LRRC36: variants seen among roughly 807,000 people sequenced by gnomAD.
LRRC36 encodes leucine-rich repeat-containing protein 36.
Under a neutral mutation model 81.1 loss-of-function variants are expected in LRRC36, and 62 were observed. The observed-to-expected ratio is 0.76, with a 90% CI of 0.62 to 0.94. The LOEUF is 0.94. Ranked by LOEUF, LRRC36 falls within the 40% of genes least tolerant of loss-of-function variation. The pLI, the probability that LRRC36 is intolerant of heterozygous loss-of-function variation, is 0.00. For synonymous variants in LRRC36, 334 were observed against 348.6 expected (o/e 0.96, Z 0.47); for missense variants, 761 against 881.7 (o/e 0.86, Z 1.73).
chr16:67,331,069 A>AAGAGAGAGAGAGAGAGAGAGAGAGAG (rs71145966), intron 1 of LRRC36, among the ~76,000 whole-genome samples: 38 of 118,632 alleles, frequency 3.2e-4, no homozygotes, highest in African/African-American at 1.1e-3. Context: ...GTGAGAGAGA[A>AAGAGAGAGAGAGAGAGAGAGAGAGAG]AGAGAGAGAG....
intron 5 of LRRC36, 103 bp from the exon 6 acceptor site, chr16:67,363,487 C>A: frequency 8.8e-7 from 1 of 1,134,068 alleles, no homozygotes; most frequent in African/African-American, 1.6e-5. Flanking sequence ...CCAGAACTAG[C>A]ACTCAATCTT....
In LRRC36 at chr16:67,365,011, G is replaced by A. The variant is rs2039318361; in HGVS notation, c.703-293G>A. The A allele has an allele frequency of 3.4e-5, 10 of 290,952 alleles. No homozygotes were observed. The South Asian group carries it at 1.3e-3, about 39-fold the overall frequency. 18.0% of individuals were successfully genotyped at this position (290,952 alleles called of 1,614,324 possible). A position where few individuals can be genotyped will look rare whatever the true frequency, so the allele number is the denominator to read the frequency against. ...GAGTCCTTTAAACAGAAAAAGCAAAGCTGGAAAGTGGCCCTCATCTACCTT... is the reference window on the plus strand; with the variant it reads ...GAGTCCTTTAAACAGAAAAAGCAAAACTGGAAAGTGGCCCTCATCTACCTT... On this transcript the variant is annotated intron_variant, in intron 6 of 13. Transcript: ENST00000329956.
intron 9 of LRRC36, 91 bp from the exon 10 acceptor site, chr16:67,375,156 A>C (rs975221877): frequency 7.1e-7 from 1 of 1,415,572 alleles, no homozygotes; most frequent in Non-Finnish European, 9.7e-7. Flanking sequence ...AAAAAGTCTC[A>C]ATGTCTAAAT....
At chr16:67,357,911 A>G (rs966307788) in intron 5 of LRRC36, among the ~76,000 whole-genome samples, 1 of 152,204 alleles carries the variant, frequency 6.6e-6, no homozygotes, top group Non-Finnish European at 1.5e-5. Flanking sequence ...TTTCTCTGTT[A>G]TTACAAATAG....
At chr16:67,333,980 G>A (rs532483632) in intron 1 of LRRC36, among the ~76,000 whole-genome samples, 22 of 152,120 alleles carry the variant, frequency 1.4e-4, no homozygotes, top group Non-Finnish European at 2.9e-4. Context: ...GTGTTGTACA[G>A]TTCTATGGTT....
chr16:67,371,376 T>A, intron 9 of LRRC36, 134 bp downstream of exon 9: 1 of 1,060,770 alleles, frequency 9.4e-7, no homozygotes, highest in Non-Finnish European at 1.4e-6. Context: ...GGCTGGTGGC[T>A]AATACTGCCA....
chr16:67,374,077 T>A (rs2142146089), intron 9 of LRRC36, among the ~76,000 whole-genome samples: 1 of 152,152 alleles, frequency 6.6e-6, no homozygotes, highest in East Asian at 1.9e-4. Flanking sequence ...ACACCTGTAG[T>A]TCCAGCTATT....
chr16:67,335,923 G>T (rs751790209), intron 1 of LRRC36, among the ~76,000 whole-genome samples: 1 of 152,012 alleles, frequency 6.6e-6, no homozygotes, highest in African/African-American at 2.4e-5. Context: ...GTAGAGACAG[G>T]GTTTCTCCAG....
intron 13 of LRRC36, among the ~76,000 whole-genome samples, chr16:67,382,860 G>T (rs1439721775): frequency 6.6e-6 from 1 of 151,940 alleles, no homozygotes; most frequent in Non-Finnish European, 1.5e-5. Flanking sequence ...AAACAAGTGG[G>T]GCCTCACCTC....
At position 67,367,198 on chromosome 16, in the gene LRRC36, T is replaced by C; in HGVS notation, c.936T>C (p.Asp312=). Residue 312 remains aspartate, a synonymous_variant, in exon 8 of 14, where the codon GAT becomes GAC. Coordinates refer to ENST00000329956, the MANE Select transcript of LRRC36 (RefSeq NM_018296.6). Reference sequence around the variant, plus strand: ...ATGCCTCATTGAGTAAATGCCTGGATGTGGGTGATTCTAGCCAGATCCATC... The same window carrying C: ...ATGCCTCATTGAGTAAATGCCTGGACGTGGGTGATTCTAGCCAGATCCATC... ...THDASLSKCL[D]VGDSSQIHPY... 1 of 1,614,174 alleles carries C rather than the reference T, an allele frequency of 6.2e-7. No homozygotes were observed. Among genetic ancestry groups the C allele is most frequent in the Non-Finnish European group, 8.5e-7 (1 of 1,180,018 alleles).
intron 1 of LRRC36, among the ~76,000 whole-genome samples, chr16:67,328,595 C>T (rs185873695): frequency 6.6e-6 from 1 of 152,218 alleles, no homozygotes; most frequent in Admixed American, 6.5e-5. Context: ...GGCCTAGTTC[C>T]CCTTCCTAAA....
chr16:67,341,984 G>C lies in LRRC36; in HGVS notation c.98G>C (p.Gly33Ala). The C allele has an allele frequency of 2.5e-6, 4 of 1,611,108 alleles. No individual in the cohort carries two copies. The highest frequency in any genetic ancestry group is 3.4e-6 in the Non-Finnish European group (4 of 1,178,016). The change falls in exon 2 of 14, where the codon GGA becomes GCA. Residue 33 changes from glycine to alanine, a missense_variant. Coordinates refer to ENST00000329956, the MANE Select transcript of LRRC36 (RefSeq NM_018296.6). ...PELVESLSLQ[G>A]SYAGKIHSIG... is the part of the protein sequence containing the mutation. ...CTGGTGGAGTCTCTTTCATTGCAGG[G>C]ATCTTATGCTGGCAAAATCCATTCC...
chr16:67,372,003 G>T (rs1460694721), intron 9 of LRRC36: 1 of 152,308 alleles, frequency 6.6e-6, no homozygotes, highest in African/African-American at 2.4e-5. Flanking sequence ...TTAGTTCAGA[G>T]AATGATTTAA....
At chr16:67,367,903 A>G (rs577980084) in intron 8 of LRRC36, among the ~76,000 whole-genome samples, 2 of 152,242 alleles carry the variant, frequency 1.3e-5, no homozygotes, top group South Asian at 4.1e-4. Context: ...ATACACACAC[A>G]CAAAATAGCT....
chr16:67,371,487 C>G, intron 9 of LRRC36: 1 of 529,498 alleles, frequency 1.9e-6, no homozygotes, highest in South Asian at 2.0e-5. Flanking sequence ...GATCTACTTC[C>G]GGCTGAAGAT....
chr16:67,352,291 T>C (rs1232257009), intron 5 of LRRC36, among the ~76,000 whole-genome samples: 1 of 152,244 alleles, frequency 6.6e-6, no homozygotes, highest in East Asian at 1.9e-4. Flanking sequence ...CTGGGGAGTG[T>C]TGCCAGTAAG....
chr16:67,381,689 A>G (rs941975085), intron 12 of LRRC36, among the ~76,000 whole-genome samples: 1 of 152,076 alleles, frequency 6.6e-6, no homozygotes, highest in Non-Finnish European at 1.5e-5. Context: ...ATCTGTGCTC[A>G]CTGCTACCTC....
At chr16:67,342,169 G>A (rs1025839041) in intron 2 of LRRC36, 85 bp downstream of exon 2, 84 of 958,206 alleles carry the variant, frequency 8.8e-5, no homozygotes, top group Non-Finnish European at 4.5e-5. Context: ...ATGTCATCCT[G>A]GGGAATATAA....
At chr16:67,358,915 G>A (rs565067101) in intron 5 of LRRC36, among the ~76,000 whole-genome samples, 2 of 152,216 alleles carry the variant, frequency 1.3e-5, no homozygotes, top group East Asian at 1.9e-4. Flanking sequence ...GGGAGGAAGG[G>A]GAGGAGCAGA....
Sources: allele counts gnomAD v4.1 joint callset (sites outside exome capture counted in the v4.1 genomes callset), GRCh38; gene constraint gnomAD v4.1.1; transcripts MANE v1.5; gene names NCBI Gene and HGNC (gene_info 2026-07-23, HGNC 2026-07-21).